The following TBC1D9 variants were observed in gnomAD, a reference collection of about 807,000 sequenced individuals.
TBC1D9 encodes TBC1 domain family member 9A.
TBC1D9 carries 63 observed loss-of-function variants against 132.0 expected under a neutral mutation model. The ratio of observed to expected loss-of-function variants is 0.48; its 90% CI spans 0.39 to 0.59. TBC1D9 has a LOEUF of 0.59. Among genes scored for constraint, TBC1D9 ranks in the 20% least tolerant of loss-of-function variants. The pLI is 0.00. For missense variants in TBC1D9, 1,261 were observed against 1,592.7 expected (o/e 0.79, Z 3.54); for synonymous variants, 610 against 609.9 (o/e 1.00, Z 0.00).
intron 13 of TBC1D9, among the ~76,000 whole-genome samples, chr4:140,648,243 T>C (rs1297443101): frequency 2.0e-5 from 3 of 152,204 alleles, no homozygotes; most frequent in Admixed American, 1.3e-4. Flanking sequence ...TTTGTTTATA[T>C]CTCTTATCCA....
At chr4:140,642,335 C>A in intron 13 of TBC1D9, 1 of 793,716 alleles carries the variant, frequency 1.3e-6, no homozygotes. Context: ...CCACCCCTAT[C>A]TTCCTGGCTT....
At chr4:140,702,857 A>G (rs1738093557) in intron 1 of TBC1D9, among the ~76,000 whole-genome samples, 1 of 152,196 alleles carries the variant, frequency 6.6e-6, no homozygotes, top group Non-Finnish European at 1.5e-5. Context: ...CCCAGTATAG[A>G]GCAGGGCTTG....
intron 1 of TBC1D9, among the ~76,000 whole-genome samples, chr4:140,730,364 C>A (rs139831636): frequency 2.0e-4 from 31 of 152,284 alleles, no homozygotes; most frequent in African/African-American, 7.5e-4. Context: ...CAGATGTTGT[C>A]TAAGACTTTC....
At chr4:140,629,876 T>C (rs967781103) in intron 16 of TBC1D9, among the ~76,000 whole-genome samples, 1 of 152,210 alleles carries the variant, frequency 6.6e-6, no homozygotes, top group Admixed American at 6.5e-5. Flanking sequence ...AACCACCCAC[T>C]CTGTGTTAAG....
intron 1 of TBC1D9, among the ~76,000 whole-genome samples, chr4:140,716,783 C>T (rs774964822): frequency 8.6e-5 from 13 of 151,840 alleles, no homozygotes; most frequent in Admixed American, 1.3e-4. Context: ...GAAGAACTTA[C>T]GTTTTTTTCA....
chr4:140,629,473 C>G (rs1260612101), intron 16 of TBC1D9, among the ~76,000 whole-genome samples: 1 of 152,208 alleles, frequency 6.6e-6, no homozygotes, highest in Non-Finnish European at 1.5e-5. Context: ...GGTGTCTCAA[C>G]TCTTCCACAC....
chr4:140,645,273 T>C, intron 13 of TBC1D9: 1 of 523,076 alleles, frequency 1.9e-6, no homozygotes, highest in Non-Finnish European at 3.8e-6. Flanking sequence ...CTGTGCTCTT[T>C]CACATTACTC....
At chr4:140,688,425 G>A (rs1230171628) in intron 2 of TBC1D9, among the ~76,000 whole-genome samples, 4 of 152,134 alleles carry the variant, frequency 2.6e-5, no homozygotes, top group South Asian at 2.1e-4. Flanking sequence ...CAGTGCTTTC[G>A]GAGGCAGAGG....
At chr4:140,633,116 G>A (rs1326136405) in intron 16 of TBC1D9, among the ~76,000 whole-genome samples, 2 of 152,148 alleles carry the variant, frequency 1.3e-5, no homozygotes, top group African/African-American at 2.4e-5. Context: ...GATTAAAGAC[G>A]TTCTTTAGAA....
In TBC1D9 at chr4:140,659,722, G is replaced by A; in HGVS notation, c.1804-17C>T. 1.3e-6 allele frequency: 2 copies of A among 1,527,608 alleles called. No individual in the cohort carries two copies. The highest frequency in any genetic ancestry group is 1.8e-6 in the Non-Finnish European group (2 of 1,114,824). 94.6% of individuals were successfully genotyped at this position (1,527,608 alleles called of 1,614,324 possible). On this transcript the variant is annotated splice_polypyrimidine_tract_variant and intron_variant, in intron 10 of 20. Coordinates refer to ENST00000442267, the MANE Select transcript of TBC1D9 (RefSeq NM_015130.3). ...ATTCATGGCCTAAAAAAGTGAAAGA[G>A]GATGTCATCAAATACAGTTGAAAAT...
intron 18 of TBC1D9, 133 bp from the exon 19 acceptor site, chr4:140,624,521 A>C (rs1042143710): frequency 7.2e-6 from 5 of 697,882 alleles, no homozygotes; most frequent in South Asian, 2.0e-5. Context: ...ACAAAAAAAA[A>C]CTCCTCAAAA....
intron 1 of TBC1D9, among the ~76,000 whole-genome samples, chr4:140,721,981 A>G (rs1738432765): frequency 6.6e-6 from 1 of 152,082 alleles, no homozygotes; most frequent in African/African-American, 2.4e-5. Flanking sequence ...GTGGATCTAC[A>G]TACCTAGCCC....
intron 1 of TBC1D9, among the ~76,000 whole-genome samples, chr4:140,717,702 CT>C (rs1738357170): frequency 6.6e-6 from 1 of 152,130 alleles, no homozygotes; most frequent in Admixed American, 6.5e-5. Context: ...GAAACAGATT[CT>C]TTCTACAGCT....
rs1355324698 is a variant in TBC1D9 at position 140,642,000 on chromosome 4, C to T, written c.2338-2572G>A. The stretch of plus-strand genomic sequence containing the variant: ...CCGAAGAGTCGCTGAAGGAGGAATG[C>T]ACCTTAGCCTCTCGAAGCAGCAAAC... On this transcript the variant is annotated intron_variant, in intron 13 of 20. Transcript: ENST00000442267. 2.5e-5 allele frequency: 15 copies of T among 605,270 alleles called. No homozygotes were observed. The East Asian group carries it at 4.0e-4, about 16-fold the overall frequency. The allele number at this position is 605,270 out of a possible 1,614,324, so 37.5% of individuals were successfully genotyped here. A position where few individuals can be genotyped will look rare whatever the true frequency, so the allele number is the denominator to read the frequency against.
chr4:140,668,822 G>T, intron 9 of TBC1D9, 95 bp downstream of exon 9: 4 of 1,345,218 alleles, frequency 3.0e-6, no homozygotes, highest in South Asian at 2.9e-5. Context: ...ATGCATATTT[G>T]AAAGAACCCC....
intron 16 of TBC1D9, among the ~76,000 whole-genome samples, chr4:140,631,120 C>T (rs571868034): frequency 1.3e-5 from 2 of 152,300 alleles, no homozygotes; most frequent in African/African-American, 4.8e-5. Context: ...ATCCAATGAC[C>T]GGCTGCATCA....
chr4:140,662,892 G>A (rs995605805), intron 9 of TBC1D9, among the ~76,000 whole-genome samples: 5 of 152,054 alleles, frequency 3.3e-5, no homozygotes, highest in African/African-American at 7.2e-5. Flanking sequence ...TTTATACCAT[G>A]TACCAAAATT....
chr4:140,721,168 T>A (rs780323740), intron 1 of TBC1D9, among the ~76,000 whole-genome samples: 3 of 152,124 alleles, frequency 2.0e-5, no homozygotes, highest in Non-Finnish European at 4.4e-5. Flanking sequence ...GCACTATAAA[T>A]CTTGTTTATA....
chr4:140,634,955 G>A (rs758206115), intron 15 of TBC1D9, among the ~76,000 whole-genome samples: 3 of 152,132 alleles, frequency 2.0e-5, no homozygotes, highest in Non-Finnish European at 2.9e-5. Flanking sequence ...TGAGGTCATG[G>A]TGACTCTGGT....
Sources: allele counts gnomAD v4.1 joint callset (sites outside exome capture counted in the v4.1 genomes callset), GRCh38; gene constraint gnomAD v4.1.1; transcripts MANE v1.5; gene names NCBI Gene and HGNC (gene_info 2026-07-23, HGNC 2026-07-21).